Variants in PPM1D observed in about 807,000 individuals in gnomAD.
PPM1D encodes the protein protein phosphatase, Mg2+/Mn2+ dependent 1D.
In PPM1D, 52 loss-of-function variants were observed where a neutral mutation model predicts 58.3. That is an observed-to-expected ratio of 0.89 (90% CI 0.71 to 1.12). The LOEUF (loss-of-function observed/expected upper bound fraction) is 1.12. PPM1D is among the 50% of genes most tolerant of loss of function. The pLI is 0.00. For missense variants in PPM1D, 564 were observed against 777.2 expected, an observed-to-expected ratio of 0.73 and a Z score of 3.26; for synonymous variants, 278 against 285.1, an observed-to-expected ratio of 0.98 and a Z score of 0.25.
chr17:60,615,901 A>G (rs2030573649), intron 1 of PPM1D, among the ~76,000 whole-genome samples: 2 of 152,060 alleles, frequency 1.3e-5, no homozygotes, highest in African/African-American at 2.4e-5. Context: ...ATCACAGTGC[A>G]CTATAGCTTC....
chr17:60,645,701 T>C (rs1178111701), intron 3 of PPM1D, among the ~76,000 whole-genome samples: 1 of 146,430 alleles, frequency 6.8e-6, no homozygotes, highest in African/African-American at 2.5e-5. Flanking sequence ...GGTAGGTAGA[T>C]AGGTATCTCC....
At chr17:60,623,793 G>T in intron 2 of PPM1D, 44 bp downstream of exon 2, 1 of 1,570,144 alleles carries the variant, frequency 6.4e-7, no homozygotes, top group Non-Finnish European at 8.7e-7. Flanking sequence ...GTTCTATTTA[G>T]TCCTTTTATG....
At chr17:60,614,960 A>T (rs2030551921) in intron 1 of PPM1D, among the ~76,000 whole-genome samples, 1 of 152,222 alleles carries the variant, frequency 6.6e-6, no homozygotes, top group Non-Finnish European at 1.5e-5. Flanking sequence ...TGAGACCAAG[A>T]ACCCACCAAT....
intron 3 of PPM1D, among the ~76,000 whole-genome samples, chr17:60,636,005 G>A (rs985525537): frequency 6.6e-6 from 1 of 152,160 alleles, no homozygotes; most frequent in Admixed American, 6.5e-5. Flanking sequence ...CTTCAATGGG[G>A]TTGGAGCATC....
intron 3 of PPM1D, among the ~76,000 whole-genome samples, chr17:60,637,117 C>T (rs992469783): frequency 2.0e-4 from 31 of 151,972 alleles, no homozygotes; most frequent in African/African-American, 6.5e-4. Flanking sequence ...TATAGGCGTG[C>T]GCCCCCACGC....
chr17:60,620,981 G>A (rs756404001), intron 1 of PPM1D, among the ~76,000 whole-genome samples: 10 of 151,614 alleles, frequency 6.6e-5, no homozygotes, highest in Non-Finnish European at 1.0e-4. Flanking sequence ...GGAGTGCAGC[G>A]GCACGATCTT....
chr17:60,608,462 A>G (rs1287255363), intron 1 of PPM1D, among the ~76,000 whole-genome samples: 1 of 152,128 alleles, frequency 6.6e-6, no homozygotes, highest in Non-Finnish European at 1.5e-5. Context: ...GAACCTGATG[A>G]AACCCAGTTT....
intron 1 of PPM1D, among the ~76,000 whole-genome samples, chr17:60,608,265 T>C (rs1416641046): frequency 6.6e-6 from 1 of 152,220 alleles, no homozygotes; most frequent in East Asian, 1.9e-4. Context: ...GTTTCTACAT[T>C]ATGCAGGTAA....
rs1281612365 is a variant in PPM1D, at chr17:60,664,382, GCTAA to G, written c.*831_*834del. The G allele has an allele frequency of 6.6e-6, 1 of 152,578 alleles. No homozygotes were observed. Among genetic ancestry groups the G allele is most frequent in the Non-Finnish European group, 1.5e-5 (1 of 68,024 alleles). The allele number at this position is 152,578 out of a possible 1,614,324, so 9.5% of individuals were successfully genotyped here. On this transcript the variant is annotated 3_prime_UTR_variant, in exon 6 of 6. Coordinates refer to ENST00000305921, the MANE Select transcript of PPM1D (RefSeq NM_003620.4). ...TGCTATTTCAATAACAGATGGTGCT[GCTAA>G]TTCCCAACATTTCTTAAATTATTTT...
chr17:60,656,800 T>A lies in PPM1D; in HGVS notation c.1219T>A (p.Cys407Ser). Residue 407 changes from cysteine to serine, a missense_variant, in exon 5 of 6, where the codon TGT becomes AGT. Physicochemically the swap from Cys to Ser is moderately radical, Grantham distance 112. This residue lies in a region of PPM1D where 261 missense variants were observed against 270.1 expected (regional missense o/e 0.97). Coordinates refer to ENST00000305921, the MANE Select transcript of PPM1D (RefSeq NM_003620.4). ...CCCTTCCTATAATAGTCAAGAAACC[T>A]GTGTGATGACTCCTTCCCCATGTTC... ...DSPSYNSQETCVMTPSPCSTP... is the reference protein window; with the variant it reads ...DSPSYNSQETSVMTPSPCSTP... The A allele has an allele frequency of 6.2e-7, 1 of 1,614,164 alleles. No individual in the cohort carries two copies. Among genetic ancestry groups the A allele is most frequent in the Admixed American group, 1.7e-5 (1 of 60,010 alleles).
At chr17:60,624,616 G>A (rs1468590511) in intron 2 of PPM1D, among the ~76,000 whole-genome samples, 6 of 151,350 alleles carry the variant, frequency 4.0e-5, no homozygotes, top group South Asian at 2.1e-4. Flanking sequence ...GAGAAACCCC[G>A]TCGCTACTAA....
intron 1 of PPM1D, among the ~76,000 whole-genome samples, chr17:60,612,701 C>T (rs1424895769): frequency 1.3e-5 from 2 of 151,692 alleles, no homozygotes; most frequent in Non-Finnish European, 2.9e-5. Flanking sequence ...GTAGCAGTTT[C>T]ATCAGGGTCT....
chr17:60,645,173 A>T (rs374798212), intron 3 of PPM1D, among the ~76,000 whole-genome samples: 78 of 152,066 alleles, frequency 5.1e-4, no homozygotes, highest in Admixed American at 2.9e-3. Flanking sequence ...AGCCAACATG[A>T]TGAAACCTCG....
At chr17:60,619,701 A>G (rs772840410) in intron 1 of PPM1D, among the ~76,000 whole-genome samples, 8 of 151,086 alleles carry the variant, frequency 5.3e-5, no homozygotes, top group Non-Finnish European at 1.0e-4. Context: ...CCTTGGCTCA[A>G]TGGAACCTTC....
intron 1 of PPM1D, among the ~76,000 whole-genome samples, chr17:60,612,203 G>A (rs551675131): frequency 3.6e-4 from 55 of 152,222 alleles, no homozygotes; most frequent in Non-Finnish European, 6.8e-4. Context: ...GTGACCATTT[G>A]CAATTATCCC....
intron 2 of PPM1D, among the ~76,000 whole-genome samples, chr17:60,627,142 CTCT>C (rs2030826753): frequency 6.6e-6 from 1 of 152,176 alleles, no homozygotes; most frequent in South Asian, 2.1e-4. Context: ...ATTTATTAGT[CTCT>C]TCTGTTACAA....
At chr17:60,611,035 C>T (rs566807648) in intron 1 of PPM1D, among the ~76,000 whole-genome samples, 243 of 152,296 alleles carry the variant, frequency 1.6e-3, no homozygotes, top group Non-Finnish European at 2.6e-3. Context: ...ATTTTTGAGA[C>T]GGAGTCTCGC....
intron 1 of PPM1D, among the ~76,000 whole-genome samples, chr17:60,605,910 T>C (rs961077237): frequency 1.3e-5 from 2 of 152,148 alleles, no homozygotes; most frequent in Non-Finnish European, 2.9e-5. Flanking sequence ...GTCTCATAAA[T>C]AAATAAATAA....
At position 60,656,722 on chromosome 17, in the gene PPM1D, A is replaced by T. The variant is rs200854056; in HGVS notation, c.1141A>T (p.Asn381Tyr). The change falls in exon 5 of 6, where the codon AAT becomes TAT. Residue 381 changes from asparagine to tyrosine, a missense_variant. Physicochemically the swap from Asn to Tyr is moderately radical, Grantham distance 143. Around this residue, in one of 7 missense-constraint regions of PPM1D, gnomAD observed 261 missense variants for 270.1 expected, o/e 0.97. Coordinates refer to ENST00000305921, the MANE Select transcript of PPM1D (RefSeq NM_003620.4). Reference sequence around the variant, plus strand: ...AATCTGCATCTCTCCAGAAGTGGACAATCAGGGAAACTTTACCAATGAAGA... The same window carrying T: ...AATCTGCATCTCTCCAGAAGTGGACTATCAGGGAAACTTTACCAATGAAGA... ...IVICISPEVD[N>Y]QGNFTNEDEL... The T allele has an allele frequency of 6.4e-5, 103 of 1,614,220 alleles. No individual in the cohort carries two copies. The Admixed American group carries it at 1.7e-3, about 27-fold the overall frequency.
Sources: gnomAD v4.1 joint callset for allele counts (sites outside exome capture counted in the v4.1 genomes callset) on GRCh38, gnomAD v4.1.1 for gene constraint, gnomAD v4.1.1 regional missense constraint, MANE v1.5 for transcripts, NCBI Gene and HGNC (gene_info 2026-07-23, HGNC 2026-07-21) for gene names.